The following HS6ST3 variants were observed in gnomAD, a reference collection of about 807,000 sequenced individuals.
HS6ST3 encodes heparan sulfate 6-O-sulfotransferase 3, also known as heparan-sulfate 6-O-sulfotransferase 3.
HS6ST3 carries 12 observed loss-of-function variants against 36.7 expected under a neutral mutation model. That is an observed-to-expected ratio of 0.33 (90% CI 0.21 to 0.53). The LOEUF (loss-of-function observed/expected upper bound fraction) is 0.53. HS6ST3 is among the 20% of genes least tolerant of loss of function. HS6ST3 has a pLI of 0.95. For synonymous variants in HS6ST3, 240 were observed against 257.5 expected (o/e 0.93, Z 0.65); for missense variants, 584 against 640.9 (o/e 0.91, Z 0.96).
intron 1 of HS6ST3, among the ~76,000 whole-genome samples, chr13:96,789,012 A>T (rs1253062852): frequency 6.6e-6 from 1 of 151,572 alleles, no homozygotes; most frequent in African/African-American, 2.4e-5. Flanking sequence ...TTTACATTTC[A>T]TTACTGGTAT....
intron 1 of HS6ST3, among the ~76,000 whole-genome samples, chr13:96,718,214 T>A (rs1321457116): frequency 6.6e-6 from 1 of 152,178 alleles, no homozygotes; most frequent in Non-Finnish European, 1.5e-5. Context: ...TTTATGTCTA[T>A]CTCCCCCACA....
chr13:96,530,595 T>A (rs1337613093), intron 1 of HS6ST3, among the ~76,000 whole-genome samples: 1 of 151,850 alleles, frequency 6.6e-6, no homozygotes, highest in Non-Finnish European at 1.5e-5. Context: ...CTGGACCTCC[T>A]GGGCTCAAGT....
chr13:96,653,219 T>A (rs1189640927), intron 1 of HS6ST3, among the ~76,000 whole-genome samples: 3 of 152,102 alleles, frequency 2.0e-5, no homozygotes, highest in Non-Finnish European at 4.4e-5. Context: ...ATATTTTTTT[T>A]ATTTTTATAC....
At chr13:96,753,573 A>G (rs868062001) in intron 1 of HS6ST3, among the ~76,000 whole-genome samples, 2 of 152,098 alleles carry the variant, frequency 1.3e-5, no homozygotes, top group South Asian at 4.1e-4. Context: ...AAACTCTCTT[A>G]TTAATTCTAA....
chr13:96,174,741 AT>A, intron 1 of HS6ST3, among the ~76,000 whole-genome samples: 1 of 152,342 alleles, frequency 6.6e-6, no homozygotes, highest in East Asian at 1.9e-4. Flanking sequence ...AATAAATATT[AT>A]TTACTGTAGA....
chr13:96,203,428 A>G (rs976620693), intron 1 of HS6ST3, among the ~76,000 whole-genome samples: 7 of 152,156 alleles, frequency 4.6e-5, no homozygotes, highest in Non-Finnish European at 5.9e-5. Flanking sequence ...TCGTACCTCA[A>G]AGGCCTCACC....
chr13:96,735,633 G>C (rs538735538), intron 1 of HS6ST3, among the ~76,000 whole-genome samples: 1 of 152,056 alleles, frequency 6.6e-6, no homozygotes, highest in Admixed American at 6.6e-5. Flanking sequence ...ACCTTTCCTC[G>C]TATTTCCTGA....
At chr13:96,756,137 T>C (rs1240004060) in intron 1 of HS6ST3, among the ~76,000 whole-genome samples, 1 of 152,200 alleles carries the variant, frequency 6.6e-6, no homozygotes, top group African/African-American at 2.4e-5. Flanking sequence ...CTTGGCCGAT[T>C]GAGTATCTTC....
intron 1 of HS6ST3, among the ~76,000 whole-genome samples, chr13:96,593,029 C>T (rs1211835559): frequency 6.6e-6 from 1 of 151,964 alleles, no homozygotes; most frequent in Non-Finnish European, 1.5e-5. Context: ...ACTTTTTACC[C>T]CTACTTCTTT....
intron 1 of HS6ST3, among the ~76,000 whole-genome samples, chr13:96,522,164 G>T (rs192194906): frequency 1.1e-3 from 164 of 152,324 alleles, no homozygotes; most frequent in African/African-American, 3.8e-3. Flanking sequence ...GCGGTTTTGA[G>T]TGAGTTTCTT....
At chr13:96,618,934 C>T (rs931770267) in intron 1 of HS6ST3, among the ~76,000 whole-genome samples, 6 of 151,836 alleles carry the variant, frequency 4.0e-5, no homozygotes, top group African/African-American at 1.5e-4. Context: ...CTTCTCAGAT[C>T]AGGCAAAGAT....
At chr13:96,156,662 A>G (rs1471818097) in intron 1 of HS6ST3, among the ~76,000 whole-genome samples, 1 of 151,654 alleles carries the variant, frequency 6.6e-6, no homozygotes, top group Non-Finnish European at 1.5e-5. Context: ...TGGTTTATCA[A>G]CTCCACTAAC....
intron 1 of HS6ST3, among the ~76,000 whole-genome samples, chr13:96,284,926 T>G (rs572440228): frequency 0.031 from 3,543 of 115,756 alleles, 99 homozygotes; most frequent in African/African-American, 0.068. Flanking sequence ...TTTCTTTCTT[T>G]CTTTCTTTCT....
chr13:96,648,390 T>C (rs1186882232), intron 1 of HS6ST3, among the ~76,000 whole-genome samples: 1 of 152,062 alleles, frequency 6.6e-6, no homozygotes, highest in East Asian at 1.9e-4. Context: ...TTGGTCCTAT[T>C]TTTTCTCTGC....
At chr13:96,515,751 T>C (rs865780894) in intron 1 of HS6ST3, among the ~76,000 whole-genome samples, 18 of 152,312 alleles carry the variant, frequency 1.2e-4, no homozygotes, top group African/African-American at 4.3e-4. Context: ...TCTGCCATGA[T>C]TGTAAGTTTC....
chr13:96,441,051 G>T (rs987117037), intron 1 of HS6ST3, among the ~76,000 whole-genome samples: 1 of 152,054 alleles, frequency 6.6e-6, no homozygotes, highest in South Asian at 2.1e-4. Context: ...TATAAAATGA[G>T]GCCAGAGAGC....
intron 1 of HS6ST3, among the ~76,000 whole-genome samples, chr13:96,184,201 A>AC (rs2054254144): frequency 1.5e-5 from 1 of 68,548 alleles, no homozygotes; most frequent in Non-Finnish European, 2.5e-5. Context: ...CTCTGTCTCC[A>AC]AAAAAAAAAA....
chr13:96,662,487 C>T (rs1469555889), intron 1 of HS6ST3, among the ~76,000 whole-genome samples: 1 of 144,994 alleles, frequency 6.9e-6, no homozygotes, highest in Non-Finnish European at 1.5e-5. Flanking sequence ...TCTCTTCTTT[C>T]ATATCATGTT....
chr13:96,219,256 T>A (rs562158194), intron 1 of HS6ST3, among the ~76,000 whole-genome samples: 1 of 152,048 alleles, frequency 6.6e-6, no homozygotes, highest in Admixed American at 6.5e-5. Flanking sequence ...TTTTGTAACA[T>A]GTGTACATTG....
Sources: gnomAD v4.1 joint callset for allele counts (sites outside exome capture counted in the v4.1 genomes callset) on GRCh38, gnomAD v4.1.1 for gene constraint, MANE v1.5 for transcripts, NCBI Gene and HGNC (gene_info 2026-07-23, HGNC 2026-07-21) for gene names.